Variants in IGSF21 observed in about 807,000 individuals in gnomAD.
IGSF21 encodes the protein immunoglobin superfamily member 21.
In IGSF21, 28 loss-of-function variants were observed where a neutral mutation model predicts 46.8. The observed-to-expected ratio is 0.60, with a 90% CI of 0.44 to 0.82. The LOEUF (loss-of-function observed/expected upper bound fraction) is 0.82, where lower values mean the gene tolerates loss of function less well. Ranked by LOEUF, IGSF21 falls within the 40% of genes least tolerant of loss-of-function variation. The pLI is 0.00. For synonymous variants in IGSF21, 284 were observed against 273.6 expected (o/e 1.04, Z -0.38); for missense variants, 624 against 665.5 (o/e 0.94, Z 0.69).
chr1:18,281,163 A>G (rs2085155991), intron 2 of IGSF21, among the ~76,000 whole-genome samples: 1 of 152,234 alleles, frequency 6.6e-6, no homozygotes, highest in African/African-American at 2.4e-5. Context: ...GAATGAATGA[A>G]TGAACAGGTG....
chr1:18,372,114 C>T (rs2124637601), intron 6 of IGSF21, among the ~76,000 whole-genome samples: 1 of 152,328 alleles, frequency 6.6e-6, no homozygotes, highest in South Asian at 2.1e-4. Context: ...ATTTAAATGG[C>T]ACATGGGCAG....
chr1:18,179,695 G>A (rs2086837908), intron 1 of IGSF21, among the ~76,000 whole-genome samples: 1 of 152,116 alleles, frequency 6.6e-6, no homozygotes, highest in African/African-American at 2.4e-5. Flanking sequence ...GGTGAGGAGG[G>A]GTCGGCTTGG....
At chr1:18,192,598 A>G (rs1352500411) in intron 1 of IGSF21, among the ~76,000 whole-genome samples, 1 of 152,180 alleles carries the variant, frequency 6.6e-6, no homozygotes, top group East Asian at 1.9e-4. Flanking sequence ...CACAAGGTTC[A>G]GCATATGCAC....
At chr1:18,332,047 TC>T (rs2085718496) in intron 3 of IGSF21, among the ~76,000 whole-genome samples, 7 of 152,200 alleles carry the variant, frequency 4.6e-5, no homozygotes. Context: ...AAAGCAGCAA[TC>T]CCGGTGTACC....
intron 2 of IGSF21, among the ~76,000 whole-genome samples, chr1:18,287,824 A>G (rs899127192): frequency 6.6e-5 from 10 of 152,028 alleles, no homozygotes; most frequent in African/African-American, 2.4e-4. Flanking sequence ...GCCTTCTGGC[A>G]CCTTCCACCT....
intron 3 of IGSF21, among the ~76,000 whole-genome samples, chr1:18,333,316 A>G (rs1451541927): frequency 6.6e-6 from 1 of 152,114 alleles, no homozygotes; most frequent in Non-Finnish European, 1.5e-5. Flanking sequence ...AGACAGACAT[A>G]TTTCCCCAAT....
intron 2 of IGSF21, among the ~76,000 whole-genome samples, chr1:18,259,331 G>T (rs1427408086): frequency 1.3e-5 from 2 of 152,126 alleles, no homozygotes; most frequent in African/African-American, 4.8e-5. Context: ...ATCTCACAAT[G>T]GTCAGGACTA....
intron 4 of IGSF21, among the ~76,000 whole-genome samples, chr1:18,352,721 C>G (rs1569861426): frequency 1.3e-5 from 2 of 152,330 alleles, no homozygotes; most frequent in Admixed American, 1.3e-4. Context: ...CTGCAGCACC[C>G]CCAGAGCAGC....
In IGSF21 at chr1:18,286,690, C is replaced by A. The variant is rs558772495; in HGVS notation, c.184-5176C>A. On this transcript the variant is annotated intron_variant, in intron 2 of 9. Transcript: ENST00000251296. ...AGTCCCAGACAGATCAGGGTCCAGG[C>A]ACAGCAGGCTGTCCTGGGGCCAGTC... is the stretch of plus-strand genomic sequence containing the variant. 1.2e-4 allele frequency among the ~76,000 whole-genome samples: 18 copies of A among 152,314 alleles called. No homozygotes were observed. The East Asian group carries it at 2.3e-3, about 20-fold the overall frequency.
At chr1:18,305,577 TTATG>T (rs2085417293) in intron 3 of IGSF21, among the ~76,000 whole-genome samples, 1 of 70,222 alleles carries the variant, frequency 1.4e-5, no homozygotes, top group Non-Finnish European at 3.7e-5. Flanking sequence ...GATGGATGGA[TTATG>T]GATGGATGGA....
Position 18,143,105 on chromosome 1 carries a change from C to T in IGSF21, c.70+34907C>T, listed in dbSNP as rs116806471. Among the ~76,000 whole-genome samples, 1,169 of 152,310 alleles carry T rather than the reference C, an allele frequency of 7.7e-3. 11 individuals are homozygous for T. Among genetic ancestry groups the T allele is most frequent in the African/African-American group, 0.026 (1,095 of 41,564 alleles). On this transcript the variant is annotated intron_variant, in intron 1 of 9. Transcript: ENST00000251296. The stretch of plus-strand genomic sequence containing the variant: ...CAGGCCTAGTAACAGCAGATGTCTG[C>T]GGTTCAGCTTCCAAGGCTCCCGCAG...
intron 1 of IGSF21, among the ~76,000 whole-genome samples, chr1:18,223,689 C>T (rs1334038901): frequency 6.6e-6 from 1 of 152,182 alleles, no homozygotes; most frequent in Non-Finnish European, 1.5e-5. Context: ...GGCAGATGTG[C>T]AAACAGACAA....
At chr1:18,355,563 A>T (rs2086007076) in intron 4 of IGSF21, among the ~76,000 whole-genome samples, 1 of 152,144 alleles carries the variant, frequency 6.6e-6, no homozygotes, top group East Asian at 1.9e-4. Context: ...TGCTAGAAAA[A>T]ATTATTCATG....
intron 2 of IGSF21, among the ~76,000 whole-genome samples, chr1:18,255,891 C>T (rs2084887896): frequency 6.6e-6 from 1 of 152,164 alleles, no homozygotes; most frequent in Admixed American, 6.5e-5. Context: ...CTTGTGCAGC[C>T]CCAGTCCATT....
chr1:18,261,467 T>A (rs2084946056), intron 2 of IGSF21, among the ~76,000 whole-genome samples: 1 of 152,198 alleles, frequency 6.6e-6, no homozygotes, highest in South Asian at 2.1e-4. Context: ...CACTCAGAAG[T>A]CACTGCCCCC....
At chr1:18,120,831 G>C (rs897048364) in intron 1 of IGSF21, among the ~76,000 whole-genome samples, 1 of 152,102 alleles carries the variant, frequency 6.6e-6, no homozygotes, top group African/African-American at 2.4e-5. Flanking sequence ...AAGCACTAGC[G>C]CTCTCCACAG....
chr1:18,280,252 CT>C (rs1323992795), intron 2 of IGSF21, among the ~76,000 whole-genome samples: 2 of 152,152 alleles, frequency 1.3e-5, no homozygotes, highest in Non-Finnish European at 2.9e-5. Context: ...CACACCTGCC[CT>C]GTTGACTGGT....
At chr1:18,307,474 T>A (rs1222614400) in intron 3 of IGSF21, among the ~76,000 whole-genome samples, 1 of 152,226 alleles carries the variant, frequency 6.6e-6, no homozygotes, top group Non-Finnish European at 1.5e-5. Flanking sequence ...CTGTTATGAT[T>A]TCTATTTGTA....
chr1:18,188,519 A>C (rs890962468), intron 1 of IGSF21, among the ~76,000 whole-genome samples: 10 of 152,192 alleles, frequency 6.6e-5, no homozygotes, highest in Non-Finnish European at 1.3e-4. Flanking sequence ...AAGAGAAAGC[A>C]GAGGAGGTAA....
Sources: allele counts gnomAD v4.1 joint callset (sites outside exome capture counted in the v4.1 genomes callset), GRCh38; gene constraint gnomAD v4.1.1; transcripts MANE v1.5; gene names NCBI Gene and HGNC (gene_info 2026-07-23, HGNC 2026-07-21).